CFAP52: variants seen among roughly 807,000 people sequenced by gnomAD.
CFAP52 encodes the protein cilia- and flagella-associated protein 52.
In CFAP52, 57 loss-of-function variants were observed where a neutral mutation model predicts 70.5. The observed-to-expected ratio is 0.81, with a 90% CI of 0.65 to 1.01. The LOEUF is 1.01. Ranked by LOEUF, CFAP52 falls within the 50% of genes least tolerant of loss-of-function variation. The pLI, the probability that CFAP52 is intolerant of heterozygous loss-of-function variation, is 0.00. For synonymous variants in CFAP52, 267 were observed against 292.5 expected (o/e 0.91, Z 0.89); for missense variants, 785 against 788.5 (o/e 1.00, Z 0.05).
intron 8 of CFAP52, among the ~76,000 whole-genome samples, chr17:9,613,869 C>A (rs142636794): frequency 6.7e-6 from 1 of 148,572 alleles, no homozygotes; most frequent in Non-Finnish European, 1.5e-5. Flanking sequence ...TCCCTGAATC[C>A]CTGTGATTAG....
chr17:9,599,798 A>G (rs1909182885), intron 5 of CFAP52, among the ~76,000 whole-genome samples: 1 of 151,578 alleles, frequency 6.6e-6, no homozygotes, highest in Non-Finnish European at 1.5e-5. Flanking sequence ...CTGGAGTGCA[A>G]TGGCACAATC....
intron 1 of CFAP52, among the ~76,000 whole-genome samples, chr17:9,583,563 G>A (rs1908316889): frequency 6.6e-6 from 1 of 151,974 alleles, no homozygotes; most frequent in African/African-American, 2.4e-5. Context: ...AGGCATAAAA[G>A]GAGACTTATG....
At chr17:9,644,311 G>T (rs1374896955), downstream of CFAP52, among the ~76,000 whole-genome samples, 2 of 151,986 alleles carry the variant, frequency 1.3e-5, no homozygotes, top group South Asian at 2.1e-4. Flanking sequence ...CACCATGTTG[G>T]CCAGGCTGGT....
chr17:9,610,683 C>T lies in CFAP52; in HGVS notation c.855-1626C>T, dbSNP rs1252333153. ...CCGAGTAACTGGGATTACAGGTGCC[C>T]GCCACCAAGCCCAGCTAATTTTTTT... On this transcript the variant is annotated intron_variant, in intron 7 of 13. Transcript: ENST00000352665. Among the ~76,000 whole-genome samples the T allele has an allele frequency of 4.6e-5, 7 of 152,186 alleles. No individual in the cohort carries two copies. In the East Asian group the frequency reaches 9.7e-4, roughly 21 times the overall value.
chr17:9,594,449 T>C, intron 4 of CFAP52, 128 bp downstream of exon 4: 1 of 1,255,482 alleles, frequency 8.0e-7, no homozygotes, highest in Non-Finnish European at 1.1e-6. Context: ...TCATAGTTTT[T>C]GTGATTTTGT....
chr17:9,586,079 T>A (rs370973140), intron 2 of CFAP52, 107 bp downstream of exon 2: 12 of 1,134,454 alleles, frequency 1.1e-5, no homozygotes, highest in African/African-American at 3.1e-5. Context: ...GCTTTATTCT[T>A]CCTTCTTCTT....
At chr17:9,629,506 TTTCTTTCTTTC>T (rs1438103071) in intron 9 of CFAP52, among the ~76,000 whole-genome samples, 3 of 151,508 alleles carry the variant, frequency 2.0e-5, no homozygotes, top group Admixed American at 6.6e-5. Flanking sequence ...TTTTCTTTTC[TTTCTTTCTTTC>T]TTCTTTCTTT....
chr17:9,603,593 T>A (rs1909367479), intron 6 of CFAP52, among the ~76,000 whole-genome samples: 1 of 152,194 alleles, frequency 6.6e-6, no homozygotes, highest in Admixed American at 6.5e-5. Flanking sequence ...ATAGATTTAC[T>A]GCAATCCCAA....
At chr17:9,602,597 G>A (rs993252814) in intron 6 of CFAP52, among the ~76,000 whole-genome samples, 4 of 152,154 alleles carry the variant, frequency 2.6e-5, no homozygotes, top group South Asian at 2.1e-4. Context: ...ACATGTGCAT[G>A]TAGAATGATT....
intron 7 of CFAP52, among the ~76,000 whole-genome samples, chr17:9,609,454 G>A (rs541755530): frequency 6.6e-6 from 1 of 152,304 alleles, no homozygotes; most frequent in Non-Finnish European, 1.5e-5. Context: ...CAGCTCTTTG[G>A]GAGGTCGAGG....
At chr17:9,642,997 G>A (rs1880741327) in intron 13 of CFAP52, 26 bp from the exon 14 acceptor site, 1 of 1,556,716 alleles carries the variant, frequency 6.4e-7, no homozygotes, top group Non-Finnish European at 8.7e-7. Flanking sequence ...TTGCAGCAAT[G>A]CCATATACGT....
At chr17:9,635,882 C>T (rs995288645) in intron 11 of CFAP52, among the ~76,000 whole-genome samples, 10 of 152,016 alleles carry the variant, frequency 6.6e-5, no homozygotes, top group East Asian at 1.9e-4. Flanking sequence ...AGAAAAATAA[C>T]GAATGCAAGG....
At chr17:9,582,115 G>T (rs1450403985) in intron 1 of CFAP52, among the ~76,000 whole-genome samples, 1 of 152,208 alleles carries the variant, frequency 6.6e-6, no homozygotes, top group Non-Finnish European at 1.5e-5. Context: ...AAATAAATCT[G>T]AAGAAATACA....
intron 1 of CFAP52, among the ~76,000 whole-genome samples, chr17:9,583,073 G>A (rs1317720629): frequency 6.6e-6 from 1 of 152,052 alleles, no homozygotes; most frequent in Non-Finnish European, 1.5e-5. Flanking sequence ...TTAGGTCTTT[G>A]ATCTACCTGG....
intron 3 of CFAP52, chr17:9,590,469 C>T (rs1908696055): frequency 5.2e-6 from 1 of 190,492 alleles, no homozygotes; most frequent in South Asian, 1.2e-4. Flanking sequence ...CTTCTGAAGC[C>T]CAAACATTCT....
chr17:9,633,015 TG>T lies in CFAP52; in HGVS notation c.1304del (p.Gly435AlafsTer7), dbSNP rs1360832162. 3 of 1,613,778 alleles carry T rather than the reference TG, an allele frequency of 1.9e-6. No homozygotes were observed. The highest frequency in any genetic ancestry group is 2.5e-6 in the Non-Finnish European group (3 of 1,179,872). ...TTSDCKRVIS[G>X]GGEGEVRVWQ... ...CCAGTGACTGTAAAAGGGTCATCAG[TG>T]GCGGTGGGGAAGGGGAGGTATTGAA... is the stretch of plus-strand genomic sequence containing the variant. On this transcript the variant is annotated frameshift_variant, in exon 10 of 14. Transcript: ENST00000352665. LOFTEE classifies it high-confidence loss of function.
Position 9,616,654 on chromosome 17 carries a change from G to T in CFAP52, c.1025+4175G>T, listed in dbSNP as rs1003796884. Among the ~76,000 whole-genome samples, 271 of 150,420 alleles carry T rather than the reference G, an allele frequency of 1.8e-3. 1 individual carries two copies. The highest frequency in any genetic ancestry group is 6.5e-3 in the African/African-American group (262 of 40,178). On this transcript the variant is annotated intron_variant, in intron 8 of 13. Transcript: ENST00000352665. ...TCCCAGCACTCAGCTGGAGATCTGA[G>T]AACGGGCAGACTGCCTCCTCAAGTG...
intron 1 of CFAP52, among the ~76,000 whole-genome samples, chr17:9,582,828 G>C (rs954977887): frequency 3.9e-5 from 6 of 152,134 alleles, no homozygotes; most frequent in Non-Finnish European, 7.3e-5. Context: ...GTAGAGACAG[G>C]GTTTCGCCAT....
In CFAP52 at chr17:9,585,984, G is replaced by A; in HGVS notation, c.270+12G>A. ...TCATGGGGTTCAAGGTGAATACAGT[G>A]AAAACGACTCATTGTCAATTTATCT... On this transcript the variant is annotated intron_variant, in intron 2 of 13. Transcript: ENST00000352665. 1.3e-6 allele frequency: 2 copies of A among 1,592,170 alleles called. No homozygotes were observed. Among genetic ancestry groups the A allele is most frequent in the Non-Finnish European group, 8.6e-7 (1 of 1,167,324 alleles).
Sources: gnomAD v4.1 joint callset for allele counts (sites outside exome capture counted in the v4.1 genomes callset) on GRCh38, gnomAD v4.1.1 for gene constraint, MANE v1.5 for transcripts, NCBI Gene and HGNC (gene_info 2026-07-23, HGNC 2026-07-21) for gene names.